SLC4A10: variants seen among roughly 807,000 people sequenced by gnomAD.
SLC4A10 encodes the protein sodium-driven chloride bicarbonate exchanger.
In SLC4A10, 42 loss-of-function variants were observed where a neutral mutation model predicts 137.7. That is an observed-to-expected ratio of 0.30 (90% CI 0.24 to 0.39). SLC4A10 has a LOEUF of 0.39. Among genes scored for constraint, SLC4A10 ranks in the 10% least tolerant of loss-of-function variants. The pLI, the probability that SLC4A10 is intolerant of heterozygous loss-of-function variation, is 1.00. For missense variants in SLC4A10, 925 were observed against 1,355.0 expected, an observed-to-expected ratio of 0.68 and a Z score of 4.98; for synonymous variants, 474 against 464.1, an observed-to-expected ratio of 1.02 and a Z score of -0.27.
At position 161,781,330 on chromosome 2, in the gene SLC4A10, A is replaced by T. The variant is rs147822962; in HGVS notation, c.130+10276A>T. Among the ~76,000 whole-genome samples, 444 of 152,164 alleles carry T rather than the reference A, an allele frequency of 2.9e-3. 3 individuals carry two copies. Among genetic ancestry groups the T allele is most frequent in the Non-Finnish European group, 4.7e-3 (322 of 67,980 alleles). ...TTACTTGGTGAGTGAATCTTGATAA[A>T]CATATTCAATAAATATCTTCCACTT... On this transcript the variant is annotated intron_variant, in intron 2 of 26. Transcript: ENST00000446997.
chr2:161,869,602 A>G (rs1490200839), intron 6 of SLC4A10, among the ~76,000 whole-genome samples: 2 of 151,760 alleles, frequency 1.3e-5, no homozygotes, highest in East Asian at 3.9e-4. Context: ...CTTAATTTTT[A>G]AATAGTATCT....
intron 23 of SLC4A10, among the ~76,000 whole-genome samples, chr2:161,965,425 C>T (rs1697414127): frequency 6.6e-6 from 1 of 152,094 alleles, no homozygotes; most frequent in African/African-American, 2.4e-5. Flanking sequence ...AAAATACCCT[C>T]CAAATTGTAA....
chr2:161,854,121 G>A (rs1038571553), intron 4 of SLC4A10, among the ~76,000 whole-genome samples: 4 of 152,158 alleles, frequency 2.6e-5, no homozygotes, highest in African/African-American at 9.7e-5. Flanking sequence ...GGAGATGGAG[G>A]TAGGCAAGAA....
At chr2:161,667,554 C>T (rs1473017347) in intron 1 of SLC4A10, among the ~76,000 whole-genome samples, 1 of 151,702 alleles carries the variant, frequency 6.6e-6, no homozygotes, top group African/African-American at 2.4e-5. Context: ...ACGTTTCAGC[C>T]ATAAGTCCAG....
chr2:161,636,654 C>T (rs1401894762), intron 1 of SLC4A10, among the ~76,000 whole-genome samples: 8 of 151,848 alleles, frequency 5.3e-5, no homozygotes, highest in Non-Finnish European at 4.4e-5. Context: ...CTCACCTTGG[C>T]CTCCCAAAGT....
chr2:161,663,393 A>G (rs1245157446), intron 1 of SLC4A10, among the ~76,000 whole-genome samples: 1 of 151,994 alleles, frequency 6.6e-6, no homozygotes, highest in Non-Finnish European at 1.5e-5. Flanking sequence ...TTCTCTACAC[A>G]ATTATTTTTA....
chr2:161,841,080 A>G (rs936802552), intron 4 of SLC4A10, among the ~76,000 whole-genome samples: 6 of 151,790 alleles, frequency 4.0e-5, no homozygotes, highest in African/African-American at 1.5e-4. Context: ...TTATTTATTT[A>G]TTTATTTATT....
chr2:161,633,430 GT>G lies in SLC4A10; in HGVS notation c.48+8867del, dbSNP rs2033911560. Reference sequence around the variant, plus strand: ...CACTAGCAGACATTAATTGTTAAGAGTTTGGACATTGGAGTTGGAAAATTCT... The same window carrying G: ...CACTAGCAGACATTAATTGTTAAGAGTTGGACATTGGAGTTGGAAAATTCT... On this transcript the variant is annotated intron_variant, in intron 1 of 26. Coordinates refer to ENST00000446997, the MANE Select transcript of SLC4A10 (RefSeq NM_001178015.2). Among the ~76,000 whole-genome samples the G allele has an allele frequency of 4.0e-5, 6 of 151,680 alleles. No individual in the cohort carries two copies. In the South Asian group the frequency reaches 1.2e-3, roughly 31 times the overall value.
intron 1 of SLC4A10, among the ~76,000 whole-genome samples, chr2:161,736,338 T>A (rs1412331302): frequency 6.6e-6 from 1 of 152,130 alleles, no homozygotes; most frequent in Non-Finnish European, 1.5e-5. Flanking sequence ...TTATATAAAA[T>A]CCCAGTTAAG....
In SLC4A10 at chr2:161,716,107, A is replaced by T. The variant is rs186037606; in HGVS notation, c.49-54866A>T. ...CAGCAATATTAAGCTTTCTCTAAAT[A>T]TGTTTTTTGGCTGCTTATATATCTT... On this transcript the variant is annotated intron_variant, in intron 1 of 26. Coordinates refer to ENST00000446997, the MANE Select transcript of SLC4A10 (RefSeq NM_001178015.2). Among the ~76,000 whole-genome samples the T allele has an allele frequency of 5.8e-3, 883 of 151,158 alleles. 11 individuals are homozygous for T. Among genetic ancestry groups the T allele is most frequent in the African/African-American group, 0.021 (852 of 41,306 alleles).
At chr2:161,738,490 T>C (rs1310967190) in intron 1 of SLC4A10, among the ~76,000 whole-genome samples, 1 of 152,168 alleles carries the variant, frequency 6.6e-6, no homozygotes, top group Non-Finnish European at 1.5e-5. Context: ...AGTTTGGTGT[T>C]TGTATTATTT....
intron 1 of SLC4A10, among the ~76,000 whole-genome samples, chr2:161,635,917 T>C (rs1438455790): frequency 6.6e-6 from 1 of 152,154 alleles, no homozygotes; most frequent in East Asian, 1.9e-4. Context: ...AAATGAGTTA[T>C]CCATTTGTGA....
At chr2:161,732,895 G>A (rs539238306) in intron 1 of SLC4A10, among the ~76,000 whole-genome samples, 76 of 152,078 alleles carry the variant, frequency 5.0e-4, no homozygotes, top group Non-Finnish European at 8.8e-4. Context: ...AGAGACTGGC[G>A]GCATTTTACC....
intron 1 of SLC4A10, among the ~76,000 whole-genome samples, chr2:161,639,972 C>A (rs2035043722): frequency 6.6e-6 from 1 of 152,016 alleles, no homozygotes; most frequent in Non-Finnish European, 1.5e-5. Flanking sequence ...CTTTTATATG[C>A]CAACAGGAAA....
chr2:161,723,640 A>G (rs1479588538), intron 1 of SLC4A10, among the ~76,000 whole-genome samples: 2 of 152,220 alleles, frequency 1.3e-5, no homozygotes, highest in Non-Finnish European at 2.9e-5. Flanking sequence ...ATCTATATCC[A>G]TGATTTAAAT....
At chr2:161,679,194 ACT>A (rs1420098910) in intron 1 of SLC4A10, among the ~76,000 whole-genome samples, 8 of 151,944 alleles carry the variant, frequency 5.3e-5, no homozygotes, top group Non-Finnish European at 1.2e-4. Context: ...AAATTTAAAG[ACT>A]CTTGTACTCT....
At chr2:161,955,337 C>T (rs534178729) in intron 19 of SLC4A10, among the ~76,000 whole-genome samples, 1 of 152,280 alleles carries the variant, frequency 6.6e-6, no homozygotes, top group Admixed American at 6.5e-5. Context: ...GTTTCCTATG[C>T]TTTTTTGGTT....
At position 161,777,923 on chromosome 2, in the gene SLC4A10, A is replaced by C. The variant is rs148299359; in HGVS notation, c.130+6869A>C. On this transcript the variant is annotated intron_variant, in intron 2 of 26. Coordinates refer to ENST00000446997, the MANE Select transcript of SLC4A10 (RefSeq NM_001178015.2). ...TTTGCATATGGTATAGGATGCCAACAGTTTTACTCATTACATCTCTTTGTT... is the reference window on the plus strand; with the variant it reads ...TTTGCATATGGTATAGGATGCCAACCGTTTTACTCATTACATCTCTTTGTT... Among the ~76,000 whole-genome samples the C allele has an allele frequency of 5.9e-3, 899 of 152,086 alleles. 12 individuals are homozygous for C. The highest frequency in any genetic ancestry group is 0.021 in the African/African-American group (858 of 41,518).
chr2:161,700,901 G>A (rs1435188300), intron 1 of SLC4A10, among the ~76,000 whole-genome samples: 1 of 152,008 alleles, frequency 6.6e-6, no homozygotes, highest in African/African-American at 2.4e-5. Context: ...GTCTGATTCA[G>A]TCTGATTATT....
Sources: gnomAD v4.1 joint callset for allele counts (sites outside exome capture counted in the v4.1 genomes callset) on GRCh38, gnomAD v4.1.1 for gene constraint, MANE v1.5 for transcripts, NCBI Gene and HGNC (gene_info 2026-07-23, HGNC 2026-07-21) for gene names.